The following ANO3 variants were observed in gnomAD, a reference collection of about 807,000 sequenced individuals.
The protein encoded by ANO3 is anoctamin 3.
ANO3 carries 99 observed loss-of-function variants against 144.8 expected under a neutral mutation model. The ratio of observed to expected loss-of-function variants is 0.68; its 90% CI spans 0.58 to 0.81. The LOEUF is 0.81. Among genes scored for constraint, ANO3 ranks in the 30% least tolerant of loss-of-function variants. ANO3 has a pLI of 0.00. For synonymous variants in ANO3, 414 were observed against 392.6 expected (o/e 1.05, Z -0.64); for missense variants, 905 against 1,202.2 (o/e 0.75, Z 3.66).
At chr11:26,335,895 A>C (rs893076858) in intron 1 of ANO3, among the ~76,000 whole-genome samples, 2 of 152,188 alleles carry the variant, frequency 1.3e-5, no homozygotes, top group African/African-American at 4.8e-5. Context: ...GATATACACA[A>C]ATAGTTTTGA....
intron 1 of ANO3, among the ~76,000 whole-genome samples, chr11:26,250,364 C>T (rs753906324): frequency 3.3e-5 from 5 of 152,156 alleles, no homozygotes; most frequent in Non-Finnish European, 7.3e-5. Flanking sequence ...GAAAAAGTAA[C>T]ATTTTTATTA....
At chr11:26,516,998 G>A (rs1379499816) in intron 6 of ANO3, 71 bp downstream of exon 6, 4 of 765,824 alleles carry the variant, frequency 5.2e-6, no homozygotes, top group African/African-American at 1.8e-5. Flanking sequence ...TCACCTTAGA[G>A]CAACAAATGC....
At chr11:26,519,962 T>C (rs1469177982) in intron 6 of ANO3, among the ~76,000 whole-genome samples, 2 of 150,988 alleles carry the variant, frequency 1.3e-5, no homozygotes, top group Non-Finnish European at 3.0e-5. Flanking sequence ...ACCATCTCAG[T>C]TGGATTTTAC....
chr11:26,631,983 C>T (rs1340820742), intron 18 of ANO3, among the ~76,000 whole-genome samples: 1 of 152,010 alleles, frequency 6.6e-6, no homozygotes, highest in African/African-American at 2.4e-5. Context: ...AGTTCAAAAC[C>T]AGCCTGGCCA....
intron 4 of ANO3, among the ~76,000 whole-genome samples, chr11:26,501,217 G>A (rs185974175): frequency 5.9e-5 from 9 of 152,274 alleles, no homozygotes; most frequent in Admixed American, 5.2e-4. Context: ...TTCATTGTCT[G>A]CCTTTAACAT....
At chr11:26,283,775 G>A (rs895564646) in intron 1 of ANO3, among the ~76,000 whole-genome samples, 1 of 152,074 alleles carries the variant, frequency 6.6e-6, no homozygotes, top group African/African-American at 2.4e-5. Context: ...TTCTAATGGA[G>A]GAGACAGATA....
At chr11:26,342,037 A>C (rs1040627424) in intron 1 of ANO3, among the ~76,000 whole-genome samples, 1 of 152,348 alleles carries the variant, frequency 6.6e-6, no homozygotes, top group East Asian at 1.9e-4. Context: ...AGACACACCC[A>C]GGAACAATAC....
At chr11:26,512,888 G>A (rs1012353297) in intron 5 of ANO3, among the ~76,000 whole-genome samples, 1 of 152,136 alleles carries the variant, frequency 6.6e-6, no homozygotes. Flanking sequence ...CACTGGCTTA[G>A]ATATAAATTA....
At chr11:26,500,621 T>C (rs531103779) in intron 4 of ANO3, among the ~76,000 whole-genome samples, 8 of 152,248 alleles carry the variant, frequency 5.3e-5, no homozygotes, top group South Asian at 2.1e-4. Context: ...TCTATTCAAA[T>C]CATTCATCCA....
chr11:26,429,225 C>T (rs1310066405), intron 1 of ANO3, among the ~76,000 whole-genome samples: 1 of 152,010 alleles, frequency 6.6e-6, no homozygotes, highest in Non-Finnish European at 1.5e-5. Context: ...TGTGGGAAAC[C>T]AACAATGGAG....
At chr11:26,273,710 T>C (rs1853498632) in intron 1 of ANO3, among the ~76,000 whole-genome samples, 1 of 151,534 alleles carries the variant, frequency 6.6e-6, no homozygotes, top group Admixed American at 6.6e-5. Flanking sequence ...TTTCAAGATG[T>C]GAATCTTGGA....
chr11:26,532,571 C>T (rs558948515), intron 8 of ANO3, among the ~76,000 whole-genome samples: 5 of 152,104 alleles, frequency 3.3e-5, no homozygotes, highest in Admixed American at 3.3e-4. Context: ...TACTGCCCAG[C>T]ACTATCACCC....
chr11:26,473,866 G>A, intron 4 of ANO3: 1 of 920,486 alleles, frequency 1.1e-6, no homozygotes, highest in Non-Finnish European at 1.3e-6. Flanking sequence ...AAAAAATACA[G>A]ATGTTCTTAT....
At chr11:26,623,912 G>A (rs1176584544) in intron 17 of ANO3, among the ~76,000 whole-genome samples, 1 of 151,876 alleles carries the variant, frequency 6.6e-6, no homozygotes, top group African/African-American at 2.4e-5. Context: ...TCAGCCTCCC[G>A]AGTAGCTGGG....
chr11:26,598,794 T>C, intron 15 of ANO3, 64 bp from the exon 16 acceptor site: 1 of 1,538,718 alleles, frequency 6.5e-7, no homozygotes, highest in African/African-American at 1.4e-5. Context: ...TCGTATCAAT[T>C]CTTGGGGGTA....
chr11:26,483,607 C>T (rs1476337693), intron 4 of ANO3, among the ~76,000 whole-genome samples: 1 of 152,178 alleles, frequency 6.6e-6, no homozygotes, highest in African/African-American at 2.4e-5. Context: ...GATCATGTTT[C>T]CTATACAGCC....
At chr11:26,385,699 C>T (rs1217125067) in intron 1 of ANO3, among the ~76,000 whole-genome samples, 1 of 151,956 alleles carries the variant, frequency 6.6e-6, no homozygotes, top group African/African-American at 2.4e-5. Flanking sequence ...CTCTTCACAT[C>T]TCAAGATCCT....
At chr11:26,539,133 TACACAC>T (rs68138224) in intron 10 of ANO3, among the ~76,000 whole-genome samples, 20,761 of 148,896 alleles carry the variant, frequency 0.14, 1,549 homozygotes, top group South Asian at 0.22. Flanking sequence ...ACAAGAGAAA[TACACAC>T]ACACACACAC....
chr11:26,224,716 C>T (rs1201713300), intron 1 of ANO3, among the ~76,000 whole-genome samples: 4 of 152,230 alleles, frequency 2.6e-5, no homozygotes, highest in African/African-American at 9.6e-5. Context: ...TTAAAAGTAT[C>T]TACTATAATT....
Sources: allele counts gnomAD v4.1 joint callset (sites outside exome capture counted in the v4.1 genomes callset), GRCh38; gene constraint gnomAD v4.1.1; transcripts MANE v1.5; gene names NCBI Gene and HGNC (gene_info 2026-07-23, HGNC 2026-07-21).